Variants in CADM3 observed in about 807,000 individuals in gnomAD.
The protein encoded by CADM3 is cell adhesion molecule 3, also known as TSLC1-like 1.
Under a neutral mutation model 44.9 loss-of-function variants are expected in CADM3, and 11 were observed. The ratio of observed to expected loss-of-function variants is 0.25; its 90% confidence interval spans 0.15 to 0.41. The LOEUF (loss-of-function observed/expected upper bound fraction) is 0.41. Ranked by LOEUF, CADM3 falls within the 10% of genes least tolerant of loss-of-function variation. The pLI is 1.00. For synonymous variants in CADM3, 207 were observed against 205.2 expected (o/e 1.01, Z -0.08); for missense variants, 426 against 512.0 (o/e 0.83, Z 1.62).
intron 1 of CADM3, among the ~76,000 whole-genome samples, chr1:159,174,850 G>A (rs528833690): frequency 3.5e-4 from 54 of 152,298 alleles, no homozygotes; most frequent in African/African-American, 1.3e-3. Context: ...TCAACACTGT[G>A]ACCAGCTTTC....
intron 4 of CADM3, 114 bp downstream of exon 4, chr1:159,193,674 A>G: frequency 1.3e-6 from 2 of 1,507,258 alleles, no homozygotes; most frequent in Admixed American, 1.9e-5. Context: ...GGGGAATGAC[A>G]TATATTTTGT....
Position 159,175,459 on chromosome 1 carries a change from T to C in CADM3, c.88+3606T>C, listed in dbSNP as rs540708022. ...CACTGTTAGTTTTAATAGTTTCCTC[T>C]AGGGCAGCAGTTTTCTCATTTGTTT... On this transcript the variant is annotated intron_variant, in intron 1 of 8. Coordinates refer to ENST00000368125, the MANE Select transcript of CADM3 (RefSeq NM_001127173.3). 4.1e-4 allele frequency among the ~76,000 whole-genome samples: 62 copies of C among 152,370 alleles called. 1 individual carries two copies. The highest frequency in any genetic ancestry group is 1.3e-3 in the African/African-American group (56 of 41,592).
chr1:159,203,043 G>A lies in CADM3; in HGVS notation c.*2121G>A, dbSNP rs1008963862. On this transcript the variant is annotated 3_prime_UTR_variant, in exon 9 of 9. Transcript: ENST00000368125. The stretch of plus-strand genomic sequence containing the variant: ...TCTGTCCAGGGGTGGGGGGGTGGGG[G>A]AAGGGAGCAGGGAGGGGACCGTGTA... 7.6e-6 allele frequency: 1 copy of A among 131,500 alleles called. No individual in the cohort carries two copies. The highest frequency in any genetic ancestry group is 1.6e-5 in the Non-Finnish European group (1 of 61,776). 8.1% of individuals were successfully genotyped at this position (131,500 alleles called of 1,614,324 possible).
At chr1:159,196,720 C>T (rs978295122) in intron 6 of CADM3, 171 bp from the exon 7 acceptor site, 20 of 685,164 alleles carry the variant, frequency 2.9e-5, no homozygotes, top group South Asian at 1.6e-4. Context: ...TTCCCCAGAA[C>T]GAACCCCAAG....
chr1:159,181,982 CCT>C (rs1230290608), intron 1 of CADM3, among the ~76,000 whole-genome samples: 4 of 151,986 alleles, frequency 2.6e-5, no homozygotes, highest in South Asian at 2.1e-4. Flanking sequence ...TCTTCTGGCC[CCT>C]GTCTCCTGCT....
chr1:159,200,123 A>G (rs1392403524), intron 8 of CADM3, among the ~76,000 whole-genome samples: 2 of 152,190 alleles, frequency 1.3e-5, no homozygotes, highest in African/African-American at 4.8e-5. Flanking sequence ...CTTCCCACTC[A>G]GTCAGCGGTT....
At chr1:159,195,366 TA>T (rs1428370191) in intron 5 of CADM3, 1 of 152,250 alleles carries the variant, frequency 6.6e-6, no homozygotes, top group African/African-American at 2.4e-5. Context: ...TATTAGTTCC[TA>T]GTGTGAGGCC....
Position 159,192,645 on chromosome 1 carries a change from T to C in CADM3, c.297T>C (p.Asn99=). ...ACGAGCTCAGCATCAGCATCAGCAA[T>C]GTGGCCCTGGCAGACGAGGGCGAGT... The part of the protein sequence containing the change: ...TPHELSISIS[N]VALADEGEYT... Residue 99 remains asparagine (N), a synonymous_variant, in exon 3 of 9, where the codon AAT becomes AAC. Coordinates refer to ENST00000368125, the MANE Select transcript of CADM3 (RefSeq NM_001127173.3). 6.2e-7 allele frequency: 1 copy of C among 1,614,180 alleles called. No homozygotes were observed. Among genetic ancestry groups the C allele is most frequent in the South Asian group, 1.1e-5 (1 of 91,070 alleles).
chr1:159,179,807 A>AT lies in CADM3; in HGVS notation c.88+7964dup, dbSNP rs1031361037. ...CCAGTTTTACCATCTGCTCCTAATCATTTTTTTTTTGCCCAGCAAATGCAA... is the reference window on the plus strand; with the variant it reads ...CCAGTTTTACCATCTGCTCCTAATCATTTTTTTTTTTGCCCAGCAAATGCAA... On this transcript the variant is annotated intron_variant, in intron 1 of 8. Transcript: ENST00000368125. Among the ~76,000 whole-genome samples the AT allele has an allele frequency of 3.5e-3, 523 of 148,962 alleles. 1 individual carries two copies. The highest frequency in any genetic ancestry group is 5.3e-3 in the African/African-American group (217 of 40,694).
In CADM3 at chr1:159,200,824, G is replaced by T; in HGVS notation, c.1099G>T (p.Ala367Ser). The change falls in exon 9 of 9, where the codon GCA (alanine) becomes TCA (serine). Residue 367 changes from alanine (A) to serine (S), a missense_variant. Ala to Ser is a moderately conservative substitution (Grantham distance 99). Coordinates refer to ENST00000368125, the MANE Select transcript of CADM3 (RefSeq NM_001127173.3). Reference sequence around the variant, plus strand: ...CACAGGAACCTACCTGACACATGAGGCAAAAGGCTCCGACGATGCTCCAGA... The same window carrying T: ...CACAGGAACCTACCTGACACATGAGTCAAAAGGCTCCGACGATGCTCCAGA... ...RHKGTYLTHE[A>S]KGSDDAPDAD... 1 of 1,607,768 alleles carries T rather than the reference G, an allele frequency of 6.2e-7. No individual in the cohort carries two copies. The highest frequency in any genetic ancestry group is 1.7e-5 in the Admixed American group (1 of 59,336).
At chr1:159,173,666 A>G (rs564257613) in intron 1 of CADM3, among the ~76,000 whole-genome samples, 1 of 152,226 alleles carries the variant, frequency 6.6e-6, no homozygotes, top group East Asian at 1.9e-4. Context: ...CTAGGCCTTG[A>G]CTTTCAACTG....
chr1:159,182,228 G>A (rs909521878), intron 1 of CADM3, among the ~76,000 whole-genome samples: 7 of 152,266 alleles, frequency 4.6e-5, no homozygotes, highest in South Asian at 2.1e-4. Context: ...GATGCCATCC[G>A]CCCCATCTTC....
At chr1:159,190,311 A>T (rs1340327550) in intron 1 of CADM3, among the ~76,000 whole-genome samples, 1 of 152,214 alleles carries the variant, frequency 6.6e-6, no homozygotes, top group Non-Finnish European at 1.5e-5. Context: ...CAGCCAGCTC[A>T]GTCCATGGTA....
Position 159,196,841 on chromosome 1 carries a change from C to G in CADM3, c.783-50C>G, listed in dbSNP as rs757050998. ...CCAGTTATTTTTTTTTTTCTTTTAG[C>G]TCCCTGGCCTATGCTCTCCTGAGCT... On this transcript the variant is annotated intron_variant, in intron 6 of 8. Coordinates refer to ENST00000368125, the MANE Select transcript of CADM3 (RefSeq NM_001127173.3). 4.6e-6 allele frequency: 7 copies of G among 1,532,742 alleles called. No individual in the cohort carries two copies. The Admixed American group carries it at 1.0e-4, about 22-fold the overall frequency. 94.9% of individuals were successfully genotyped at this position (1,532,742 alleles called of 1,614,324 possible). A position where few individuals can be genotyped will look rare whatever the true frequency, so the allele number is the denominator to read the frequency against.
rs1384519386 is a variant in CADM3 at position 159,189,655 on chromosome 1, T to C, written c.89-2281T>C. The C allele has an allele frequency of 1.5e-5, 11 of 733,742 alleles. No homozygotes were observed. The East Asian group carries it at 3.2e-4, about 21-fold the overall frequency. The allele number at this position is 733,742 out of a possible 1,614,324, so 45.5% of individuals were successfully genotyped here. On this transcript the variant is annotated intron_variant, in intron 1 of 8. Transcript: ENST00000368125. ...CCCTACCTTCTCTTAGGTATCCTGG[T>C]GAACCTATTTTTCACAGGGACCTAG...
chr1:159,178,905 A>G (rs1649128341), intron 1 of CADM3, among the ~76,000 whole-genome samples: 1 of 152,208 alleles, frequency 6.6e-6, no homozygotes, highest in Admixed American at 6.5e-5. Context: ...AATACTTATG[A>G]GTGACCTACA....
chr1:159,197,183 GC>G, intron 7 of CADM3, 123 bp downstream of exon 7: 1 of 1,008,134 alleles, frequency 9.9e-7, no homozygotes, highest in Non-Finnish European at 1.5e-6. Context: ...AGGAAAACCA[GC>G]CCACCACTGG....
At chr1:159,194,139 TAAGTG>T in intron 5 of CADM3, 99 bp downstream of exon 5, 1 of 1,264,372 alleles carries the variant, frequency 7.9e-7, no homozygotes, top group Non-Finnish European at 1.1e-6. Flanking sequence ...CACGCACAGT[TAAGTG>T]AATAGGTAAA....
intron 7 of CADM3, among the ~76,000 whole-genome samples, chr1:159,199,201 C>T (rs1650038792): frequency 6.6e-6 from 1 of 151,858 alleles, no homozygotes; most frequent in African/African-American, 2.4e-5. Flanking sequence ...GCTGAGAAGG[C>T]CCTTAGAGCT....
Sources: allele counts gnomAD v4.1 joint callset (sites outside exome capture counted in the v4.1 genomes callset), GRCh38; gene constraint gnomAD v4.1.1; transcripts MANE v1.5; gene names NCBI Gene and HGNC (gene_info 2026-07-23, HGNC 2026-07-21).